Variants in COPA observed in about 807,000 individuals in gnomAD.
The protein encoded by COPA is coat protein complex I subunit alpha, also known as coatomer subunit alpha.
COPA carries 10 observed loss-of-function variants against 158.7 expected under a neutral mutation model. That is an observed-to-expected ratio of 0.06 (90% CI 0.04 to 0.11). The LOEUF (loss-of-function observed/expected upper bound fraction) is 0.11. Among genes scored for constraint, COPA ranks in the 10% least tolerant of loss-of-function variants. COPA has a pLI of 1.00. For missense variants in COPA, 1,065 were observed against 1,536.7 expected, an observed-to-expected ratio of 0.69 and a Z score of 5.13; for synonymous variants, 462 against 542.8, an observed-to-expected ratio of 0.85 and a Z score of 2.07.
At position 160,290,120 on chromosome 1, in the gene COPA, A is replaced by C; in HGVS notation, c.*37T>G. 1 of 1,601,414 alleles carries C rather than the reference A, an allele frequency of 6.2e-7. No homozygotes were observed. The highest frequency in any genetic ancestry group is 8.6e-7 in the Non-Finnish European group (1 of 1,168,976). On this transcript the variant is annotated 3_prime_UTR_variant, in exon 33 of 33. Coordinates refer to ENST00000241704, the MANE Select transcript of COPA (RefSeq NM_004371.4). ...GGATATAGACACATTCTCTGGGGGG[A>C]ACATATGGTGACTGACCCATGCACA...
chr1:160,333,640 T>C lies in COPA; in HGVS notation c.349A>G (p.Ile117Val). The change falls in exon 5 of 33, where the codon ATC becomes GTC. Residue 117 changes from isoleucine to valine, a missense_variant. This residue lies in a region of COPA where 85 missense variants were observed against 178.9 expected (regional missense o/e 0.48). Transcript: ENST00000241704. ...CTAGATTGCCAGTTCCACACTCGGA[T>C]GGTCTGATCATCGGAGGCACTCAGA... ...WILSASDDQTIRVWNWQSRTC... is the reference protein window; with the variant it reads ...WILSASDDQTVRVWNWQSRTC... 11 of 1,613,588 alleles carry C rather than the reference T, an allele frequency of 6.8e-6. No homozygotes were observed. Among genetic ancestry groups the C allele is most frequent in the Non-Finnish European group, 9.3e-6 (11 of 1,179,638 alleles).
chr1:160,322,505 C>T (rs980294322), intron 8 of COPA, among the ~76,000 whole-genome samples: 1 of 152,034 alleles, frequency 6.6e-6, no homozygotes, highest in Non-Finnish European at 1.5e-5. Flanking sequence ...GGGAAATGTC[C>T]CAGGACATTG....
Position 160,294,497 on chromosome 1 carries a change from A to G in COPA, c.2663T>C (p.Leu888Pro). 6.2e-7 allele frequency: 1 copy of G among 1,613,826 alleles called. No individual in the cohort carries two copies. The highest frequency in any genetic ancestry group is 8.5e-7 in the Non-Finnish European group (1 of 1,179,848). ...AATTCCACATACCAGCTCAGGAGGG[A>G]GCTCCAGATCTTCTTCTACATCCCA... is the stretch of plus-strand genomic sequence containing the variant. ...GGWDVEEDLE[L>P]PPELDISPGA... Residue 888 changes from leucine (L) to proline (P), a missense_variant, in exon 25 of 33, where the codon CTC becomes CCC. Leu to Pro is a moderately conservative substitution (Grantham distance 98). Transcript: ENST00000241704.
chr1:160,299,955 C>T (rs944842949), intron 17 of COPA, among the ~76,000 whole-genome samples: 2 of 152,064 alleles, frequency 1.3e-5, no homozygotes, highest in Non-Finnish European at 2.9e-5. Context: ...TGATAAGCCT[C>T]TCATGAGGGT....
chr1:160,333,725 T>C (rs756577358), intron 4 of COPA, 46 bp from the exon 5 acceptor site: 7 of 1,437,632 alleles, frequency 4.9e-6, no homozygotes, highest in Non-Finnish European at 6.8e-6. Flanking sequence ...AACAAATCTG[T>C]TCTATCAGGT....
chr1:160,313,944 AAGAG>A (rs771667402), intron 9 of COPA, 42 bp downstream of exon 9: 1 of 1,514,078 alleles, frequency 6.6e-7, no homozygotes, highest in African/African-American at 1.4e-5. Flanking sequence ...CTAATTTTAA[AAGAG>A]AGAGTAAGAG....
chr1:160,340,399 T>C, intron 1 of COPA, 105 bp from the exon 2 acceptor site: 1 of 700,976 alleles, frequency 1.4e-6, no homozygotes, highest in Non-Finnish European at 2.4e-6. Context: ...CCTAGGTTCA[T>C]TCATTCGACA....
intron 8 of COPA, among the ~76,000 whole-genome samples, chr1:160,316,714 C>A (rs1464096837): frequency 2.0e-5 from 3 of 150,374 alleles, no homozygotes; most frequent in African/African-American, 7.4e-5. Flanking sequence ...CGCACCATTG[C>A]ACTCCAGCCT....
intron 7 of COPA, among the ~76,000 whole-genome samples, chr1:160,325,287 A>T (rs910557516): frequency 2.6e-5 from 4 of 152,054 alleles, no homozygotes. Context: ...CTGCTTTGGG[A>T]TGGTGATGAG....
chr1:160,325,683 T>G, intron 6 of COPA, 31 bp from the exon 7 acceptor site: 2 of 1,498,870 alleles, frequency 1.3e-6, no homozygotes, highest in Non-Finnish European at 1.9e-6. Flanking sequence ...GGATGAAAGA[T>G]GTAAACATAA....
chr1:160,293,554 G>C (rs1658311145), intron 25 of COPA, 91 bp from the exon 26 acceptor site: 2 of 998,530 alleles, frequency 2.0e-6, no homozygotes. Flanking sequence ...GAGTACAGAG[G>C]CATGATCTCG....
intron 28 of COPA, 30 bp from the exon 29 acceptor site, chr1:160,292,228 G>A (rs371327473): frequency 1.9e-6 from 3 of 1,599,308 alleles, no homozygotes. Flanking sequence ...AAGAAGACAG[G>A]ATAGTCAGTA....
chr1:160,332,853 A>G (rs1267598443), intron 5 of COPA, among the ~76,000 whole-genome samples: 1 of 152,266 alleles, frequency 6.6e-6, no homozygotes, highest in Non-Finnish European at 1.5e-5. Flanking sequence ...ATGTAATCTC[A>G]GTAATCCATA....
chr1:160,300,638 T>G (rs917168190), intron 17 of COPA, among the ~76,000 whole-genome samples: 4 of 152,092 alleles, frequency 2.6e-5, no homozygotes, highest in Non-Finnish European at 5.9e-5. Flanking sequence ...TTTATGAAAT[T>G]CACACAACCT....
chr1:160,310,439 T>C (rs779237035), intron 11 of COPA, 181 bp from the exon 12 acceptor site: 1 of 403,958 alleles, frequency 2.5e-6, no homozygotes, highest in Admixed American at 4.5e-5. Context: ...GCAACTTCCC[T>C]AGCTCAGCTT....
rs530747468 is a variant in COPA, at chr1:160,292,494, T to C, written c.2950A>G (p.Asn984Asp). ...AGAAAAGGGCCTTACCAGTTGCGATTAGGATAGCCATACATGGAGGGTAGG... is the reference window on the plus strand; with the variant it reads ...AGAAAAGGGCCTTACCAGTTGCGATCAGGATAGCCATACATGGAGGGTAGG... The part of the protein sequence containing the change: ...PCLPSMYGYP[N>D]RNWKDAGLKN... The change falls in exon 28 of 33, where the codon AAT becomes GAT. Residue 984 changes from asparagine (N) to aspartate (D), a missense_variant. Physicochemically the swap from Asn to Asp is conservative, Grantham distance 23. Coordinates refer to ENST00000241704, the MANE Select transcript of COPA (RefSeq NM_004371.4). 21 of 1,613,182 alleles carry C rather than the reference T, an allele frequency of 1.3e-5. No individual in the cohort carries two copies. Among genetic ancestry groups the C allele is most frequent in the East Asian group, 6.7e-5 (3 of 44,890 alleles).
At position 160,343,205 on chromosome 1, in the gene COPA, G is replaced by T; in HGVS notation, c.-35C>A. On this transcript the variant is annotated 5_prime_UTR_variant, in exon 1 of 33. Transcript: ENST00000241704. ...CTCCGACTCCGATGTCTTAATCCGA[G>T]CCCCGACACACCCTGCTGCCCTTCG... 1 of 1,613,964 alleles carries T rather than the reference G, an allele frequency of 6.2e-7. No homozygotes were observed. The highest frequency in any genetic ancestry group is 8.5e-7 in the Non-Finnish European group (1 of 1,179,862).
At chr1:160,302,549 C>CTTTTT (rs35112618) in intron 17 of COPA, among the ~76,000 whole-genome samples, 33 of 91,656 alleles carry the variant, frequency 3.6e-4, no homozygotes, top group Non-Finnish European at 5.7e-4. Context: ...TCACAAGTTA[C>CTTTTT]TTTTTTTTTT....
chr1:160,301,380 CAAAATCAGAAA>C (rs1234841023), intron 17 of COPA, among the ~76,000 whole-genome samples: 2 of 152,028 alleles, frequency 1.3e-5, no homozygotes, highest in African/African-American at 4.8e-5. Flanking sequence ...ACAAATATTC[CAAAATCAGAAA>C]AAAATCAGAA....
Sources: allele counts gnomAD v4.1 joint callset (sites outside exome capture counted in the v4.1 genomes callset), GRCh38; gene constraint gnomAD v4.1.1; regional missense constraint gnomAD v4.1.1; transcripts MANE v1.5; gene names NCBI Gene and HGNC (gene_info 2026-07-23, HGNC 2026-07-21).